UGT1A6: variants seen among roughly 807,000 people sequenced by gnomAD.
The protein encoded by UGT1A6 is UDP-glucuronosyltransferase 1A6.
In UGT1A6, 32 loss-of-function variants were observed where a neutral mutation model predicts 44.4. The observed-to-expected ratio is 0.72, with a 90% CI of 0.54 to 0.97. The LOEUF (loss-of-function observed/expected upper bound fraction) is 0.97. Ranked by LOEUF, UGT1A6 falls within the 50% of genes least tolerant of loss-of-function variation. The pLI is 0.00. For missense variants in UGT1A6, 685 were observed against 661.9 expected, an observed-to-expected ratio of 1.03 and a Z score of -0.38; for synonymous variants, 238 against 248.5, an observed-to-expected ratio of 0.96 and a Z score of 0.40.
intron 1 of UGT1A6, among the ~76,000 whole-genome samples, chr2:233,717,169 G>A (rs976898395): frequency 6.6e-6 from 1 of 152,210 alleles, no homozygotes; most frequent in African/African-American, 2.4e-5. Flanking sequence ...CCCCTTGAAT[G>A]TGGCAAGAGC....
rs762748984 is a variant in UGT1A6 at position 233,755,099 on chromosome 2, C to T, written c.862-11935C>T. On this transcript the variant is annotated intron_variant, in intron 1 of 4. Transcript: ENST00000305139. ...CATAGATATCGCGTTTCTACGCGTCCGACAACACCTCGTAGGCCTCAGCCA... is the reference window on the plus strand; with the variant it reads ...CATAGATATCGCGTTTCTACGCGTCTGACAACACCTCGTAGGCCTCAGCCA... The T allele has an allele frequency of 6.0e-6, 8 of 1,334,956 alleles. 1 individual carries two copies. In the South Asian group the frequency reaches 8.0e-5, roughly 13 times the overall value. The allele number at this position is 1,334,956 out of a possible 1,614,324, so 82.7% of individuals were successfully genotyped here.
chr2:233,716,592 A>T (rs953588234), intron 1 of UGT1A6, among the ~76,000 whole-genome samples: 3 of 152,124 alleles, frequency 2.0e-5, no homozygotes, highest in African/African-American at 7.2e-5. Context: ...AAAGAGCAAA[A>T]ATTTTAGAAT....
chr2:233,711,817 C>T (rs984543868), intron 1 of UGT1A6, among the ~76,000 whole-genome samples: 1 of 152,154 alleles, frequency 6.6e-6, no homozygotes, highest in Non-Finnish European at 1.5e-5. Flanking sequence ...CATCCTGGGG[C>T]GACCAGGACA....
chr2:233,737,663 G>T (rs918279158), intron 1 of UGT1A6, among the ~76,000 whole-genome samples: 2 of 152,176 alleles, frequency 1.3e-5, no homozygotes, highest in African/African-American at 2.4e-5. Context: ...GCTGCAGATC[G>T]GAGCTGTTCC....
rs1399305779 is a variant in UGT1A6, at chr2:233,769,284, T to C, written c.1301+845T>C. 6.6e-6 allele frequency among the ~76,000 whole-genome samples: 1 copy of C among 152,226 alleles called. No individual in the cohort carries two copies. The highest frequency in any genetic ancestry group is 1.5e-5 in the Non-Finnish European group (1 of 68,038). ...AACGATTCAAAGGGCAAATGATTTC[T>C]GGATTAAAGTTAGTATATTACTGTC... On this transcript the variant is annotated intron_variant, in intron 4 of 4. Coordinates refer to ENST00000305139, the MANE Select transcript of UGT1A6 (RefSeq NM_001072.4). The surrounding 1 kb of genome is among the most constrained non-coding windows in gnomAD (Gnocchi z 4.4).
At chr2:233,729,782 C>T (rs764191993) in intron 1 of UGT1A6, 4 of 1,613,938 alleles carry the variant, frequency 2.5e-6, no homozygotes, top group Non-Finnish European at 2.5e-6. Flanking sequence ...TACCCTCTGG[C>T]CCTGTCCTAC....
intron 1 of UGT1A6, chr2:233,719,286 C>G (rs1465114425): frequency 6.2e-7 from 1 of 1,613,964 alleles, no homozygotes; most frequent in African/African-American, 1.3e-5. Flanking sequence ...CCCCGTTAAC[C>G]TCTGTGGGGC....
chr2:233,733,569 G>C (rs1217619334), intron 1 of UGT1A6, among the ~76,000 whole-genome samples: 1 of 152,186 alleles, frequency 6.6e-6, no homozygotes, highest in East Asian at 1.9e-4. Context: ...AAATAATCAT[G>C]TGGTTTGTCA....
At chr2:233,725,263 A>AGGC (rs1472327737) in intron 1 of UGT1A6, among the ~76,000 whole-genome samples, 4 of 34,258 alleles carry the variant, frequency 1.2e-4, no homozygotes, top group Non-Finnish European at 2.1e-4. Flanking sequence ...GCAGAGGCAG[A>AGGC]GGAGGCAGAG....
chr2:233,756,501 T>C (rs1696241019), intron 1 of UGT1A6: 1 of 152,186 alleles, frequency 6.6e-6, no homozygotes, highest in Non-Finnish European at 1.5e-5. Flanking sequence ...CCCAAGTATA[T>C]GGAGGGTCAA....
At chr2:233,707,897 T>C (rs1272333206) in intron 1 of UGT1A6, among the ~76,000 whole-genome samples, 2 of 152,256 alleles carry the variant, frequency 1.3e-5, no homozygotes, top group Non-Finnish European at 1.5e-5. Context: ...GTTATGTACA[T>C]GACTGATTAT....
chr2:233,765,571 G>A (rs997936570), intron 1 of UGT1A6, among the ~76,000 whole-genome samples: 4 of 152,064 alleles, frequency 2.6e-5, no homozygotes, highest in Admixed American at 2.0e-4. Flanking sequence ...ATGCGTAGAC[G>A]CAGGGAGGGG....
intron 2 of UGT1A6, 150 bp from the exon 3 acceptor site, chr2:233,767,699 A>G: frequency 1.3e-6 from 2 of 1,502,404 alleles, no homozygotes; most frequent in Non-Finnish European, 1.8e-6. Context: ...GGAAGTTGCC[A>G]GTCCTCAGAA....
At chr2:233,770,765 A>G (rs962602628) in intron 4 of UGT1A6, 1 of 152,230 alleles carries the variant, frequency 6.6e-6, no homozygotes, top group Non-Finnish European at 1.5e-5. Context: ...ATTACATTAT[A>G]ATAATGTTTC....
Position 233,767,173 on chromosome 2 carries a change from G to T in UGT1A6, c.993+8G>T. 1.2e-6 allele frequency: 2 copies of T among 1,614,058 alleles called. No individual in the cohort carries two copies. The highest frequency in any genetic ancestry group is 1.7e-6 in the Non-Finnish European group (2 of 1,180,002). ...GGCAAAATCCCTCAGACAGTAAGAA[G>T]ATTCTATACCATGGCCTCATATCTA... On this transcript the variant is annotated splice_region_variant and intron_variant, in intron 2 of 4. Coordinates refer to ENST00000305139, the MANE Select transcript of UGT1A6 (RefSeq NM_001072.4).
At chr2:233,713,098 C>T (rs2076277745) in intron 1 of UGT1A6, 2 of 1,614,198 alleles carry the variant, frequency 1.2e-6, no homozygotes, top group Non-Finnish European at 8.5e-7. Context: ...GTGGTGCCCA[C>T]TGATGGCAGC....
intron 1 of UGT1A6, among the ~76,000 whole-genome samples, chr2:233,733,062 C>T (rs1195165933): frequency 2.0e-5 from 3 of 152,118 alleles, no homozygotes; most frequent in Admixed American, 6.5e-5. Flanking sequence ...ATTTTATTCT[C>T]TTTGTAGCAA....
chr2:233,731,634 A>G (rs547560003), intron 1 of UGT1A6, among the ~76,000 whole-genome samples: 6 of 152,300 alleles, frequency 3.9e-5, no homozygotes, highest in African/African-American at 9.6e-5. Flanking sequence ...TTATGGCTGC[A>G]TAGTATTCCA....
chr2:233,768,302 G>A lies in UGT1A6; in HGVS notation c.1164G>A (p.Val388=). The change falls in exon 4 of 5, where the codon GTG becomes GTA. Residue 388 remains valine, a synonymous_variant. Coordinates refer to ENST00000305139, the MANE Select transcript of UGT1A6 (RefSeq NM_001072.4). Reference sequence around the variant, plus strand: ...GCATATGCAATGGCGTTCCCATGGTGATGATGCCCTTGTTTGGTGATCAGA... The same window carrying A: ...GCATATGCAATGGCGTTCCCATGGTAATGATGCCCTTGTTTGGTGATCAGA... ...YESICNGVPM[V]MMPLFGDQMD... is the part of the protein sequence containing the mutation. 1 of 1,614,228 alleles carries A rather than the reference G, an allele frequency of 6.2e-7. No homozygotes were observed. Among genetic ancestry groups the A allele is most frequent in the Non-Finnish European group, 8.5e-7 (1 of 1,180,048 alleles).
Sources: allele counts gnomAD v4.1 joint callset (sites outside exome capture counted in the v4.1 genomes callset), GRCh38; gene constraint gnomAD v4.1.1; non-coding constraint Gnocchi (gnomAD v3.1); transcripts MANE v1.5; gene names NCBI Gene and HGNC (gene_info 2026-07-23, HGNC 2026-07-21).